The following ZFHX4 variants were observed in gnomAD, a reference collection of about 807,000 sequenced individuals.
The protein encoded by ZFHX4 is zinc finger homeobox 4, also known as zinc finger homeobox protein 4.
ZFHX4 carries 56 observed loss-of-function variants against 267.6 expected under a neutral mutation model. The ratio of observed to expected loss-of-function variants is 0.21; its 90% CI spans 0.17 to 0.26. The LOEUF (loss-of-function observed/expected upper bound fraction) is 0.26. ZFHX4 is among the 10% of genes least tolerant of loss of function. The pLI is 1.00. For synonymous variants in ZFHX4, 1,778 were observed against 1,665.6 expected, an observed-to-expected ratio of 1.07 and a Z score of -1.64; for missense variants, 4,332 against 4,420.0, an observed-to-expected ratio of 0.98 and a Z score of 0.56.
chr8:76,833,521 A>G (rs1157786894), intron 5 of ZFHX4, 115 bp downstream of exon 5: 6 of 728,918 alleles, frequency 8.2e-6, no homozygotes, highest in African/African-American at 1.8e-5. Context: ...AGATCTGATC[A>G]TATGCCTTAT....
intron 4 of ZFHX4, among the ~76,000 whole-genome samples, chr8:76,822,472 T>C (rs965997611): frequency 5.3e-5 from 8 of 149,956 alleles, no homozygotes; most frequent in African/African-American, 1.7e-4. Flanking sequence ...TTTTTTTTTT[T>C]TTGAGATGGT....
chr8:76,725,657 A>C (rs544966936), intron 3 of ZFHX4, among the ~76,000 whole-genome samples: 13 of 152,182 alleles, frequency 8.5e-5, no homozygotes, highest in Non-Finnish European at 1.9e-4. Flanking sequence ...AGTGAAGGGC[A>C]TAAGTTTCTT....
At chr8:76,775,716 T>C (rs1407391349) in intron 3 of ZFHX4, among the ~76,000 whole-genome samples, 1 of 152,128 alleles carries the variant, frequency 6.6e-6, no homozygotes, top group Non-Finnish European at 1.5e-5. Flanking sequence ...TTTTGTGTTT[T>C]ACGGAAGATC....
Position 76,704,268 on chromosome 8 carries a change from C to G in ZFHX4, c.180C>G (p.Ala60=). Residue 60 remains alanine (A), a synonymous_variant, in exon 2 of 11, where the codon GCC becomes GCG. Transcript: ENST00000651372. ...AAACGGATGAGCGCAAAAGTGAAGCCTTGCTGGGTTTCAGCGTTGAGAATG... is the reference window on the plus strand; with the variant it reads ...AAACGGATGAGCGCAAAAGTGAAGCGTTGCTGGGTTTCAGCGTTGAGAATG... ...NLKTDERKSE[A]LLGFSVENAA... 1 of 1,613,992 alleles carries G rather than the reference C, an allele frequency of 6.2e-7. No homozygotes were observed. Among genetic ancestry groups the G allele is most frequent in the Non-Finnish European group, 8.5e-7 (1 of 1,179,888 alleles).
At chr8:76,771,586 C>G (rs1349616825) in intron 3 of ZFHX4, among the ~76,000 whole-genome samples, 2 of 151,954 alleles carry the variant, frequency 1.3e-5, no homozygotes, top group East Asian at 3.9e-4. Flanking sequence ...CTACAGGCGC[C>G]TGCCACCATG....
chr8:76,858,758 T>G (rs1812795127), intron 10 of ZFHX4, among the ~76,000 whole-genome samples: 1 of 152,218 alleles, frequency 6.6e-6, no homozygotes, highest in South Asian at 2.1e-4. Flanking sequence ...ACATACCAGT[T>G]AAGGCAAAAT....
chr8:76,841,434 T>G (rs923794383), intron 5 of ZFHX4, among the ~76,000 whole-genome samples: 1 of 152,206 alleles, frequency 6.6e-6, no homozygotes, highest in African/African-American at 2.4e-5. Flanking sequence ...GCATTTGCAA[T>G]GAAAATTTTA....
intron 4 of ZFHX4, among the ~76,000 whole-genome samples, chr8:76,809,246 C>T (rs1194352196): frequency 6.6e-6 from 1 of 151,994 alleles, no homozygotes; most frequent in Non-Finnish European, 1.5e-5. Flanking sequence ...ACTTTTATGT[C>T]CTAATATATT....
At chr8:76,681,990 G>C (rs1350101467) in intron 1 of ZFHX4, among the ~76,000 whole-genome samples, 2 of 152,232 alleles carry the variant, frequency 1.3e-5, no homozygotes, top group Non-Finnish European at 2.9e-5. Flanking sequence ...ACGTTTGCTT[G>C]GGCAGTTTTC....
chr8:76,792,682 A>G (rs970755779), intron 4 of ZFHX4, among the ~76,000 whole-genome samples: 1 of 152,144 alleles, frequency 6.6e-6, no homozygotes, highest in Non-Finnish European at 1.5e-5. Flanking sequence ...CTTCTTCACA[A>G]CATTTTAGGA....
At chr8:76,832,785 C>G (rs1811970229) in intron 4 of ZFHX4, among the ~76,000 whole-genome samples, 1 of 151,972 alleles carries the variant, frequency 6.6e-6, no homozygotes, top group Non-Finnish European at 1.5e-5. Flanking sequence ...TTTTGTAAAC[C>G]AAGACATTGT....
chr8:76,824,780 C>G (rs776261342), intron 4 of ZFHX4, among the ~76,000 whole-genome samples: 4 of 152,038 alleles, frequency 2.6e-5, no homozygotes, highest in Non-Finnish European at 5.9e-5. Flanking sequence ...CCCTTTGTTG[C>G]CAGGCTGCTC....
intron 3 of ZFHX4, among the ~76,000 whole-genome samples, chr8:76,768,576 G>A (rs2728439): frequency 0.83 from 126,484 of 152,172 alleles, 53,099 homozygotes; most frequent in African/African-American, 0.95. Context: ...ATCTGAGGGG[G>A]CACCCATGTG....
In ZFHX4 at chr8:76,706,473, G is replaced by C; in HGVS notation, c.2385G>C (p.Met795Ile). 6.2e-7 allele frequency: 1 copy of C among 1,614,054 alleles called. No individual in the cohort carries two copies. Among genetic ancestry groups the C allele is most frequent in the Non-Finnish European group, 8.5e-7 (1 of 1,179,944 alleles). Residue 795 changes from methionine (M) to isoleucine (I), a missense_variant, in exon 2 of 11, where the codon ATG becomes ATC. Met to Ile is a conservative substitution (Grantham distance 10). Coordinates refer to ENST00000651372, the MANE Select transcript of ZFHX4 (RefSeq NM_024721.5). ...CCAGCGAAAAGCACATGCATAATAT[G>C]ATGCTTTTGCAGCAGAACATGAAGC... Reference protein sequence around the residue: ...HMTSEKHMHNMMLLQQNMKQI... With the variant: ...HMTSEKHMHNIMLLQQNMKQI...
At chr8:76,835,119 C>T (rs2131895196) in intron 5 of ZFHX4, among the ~76,000 whole-genome samples, 1 of 148,766 alleles carries the variant, frequency 6.7e-6, no homozygotes, top group African/African-American at 2.5e-5. Flanking sequence ...AGTCAAAGAG[C>T]CTAGTTGATG....
At position 76,854,471 on chromosome 8, in the gene ZFHX4, T is replaced by G; in HGVS notation, c.7550T>G (p.Leu2517Arg). 1 of 1,613,920 alleles carries G rather than the reference T, an allele frequency of 6.2e-7. No individual in the cohort carries two copies. The highest frequency in any genetic ancestry group is 1.3e-5 in the African/African-American group (1 of 75,038). Reference sequence around the variant, plus strand: ...CAGGAACACCAGCACATGCACTTCCTTGCTGCTCAAAACCAATTCCTTCAC... The same window carrying G: ...CAGGAACACCAGCACATGCACTTCCGTGCTGCTCAAAACCAATTCCTTCAC... ...LWQEHQHMHF[L>R]AAQNQFLHSP... The change falls in exon 10 of 11, where the codon CTT becomes CGT. Residue 2517 changes from leucine (L) to arginine (R), a missense_variant. Leu to Arg is a moderately radical substitution (Grantham distance 102). Transcript: ENST00000651372.
intron 3 of ZFHX4, among the ~76,000 whole-genome samples, chr8:76,757,286 G>A (rs1210010463): frequency 6.6e-6 from 1 of 152,186 alleles, no homozygotes; most frequent in African/African-American, 2.4e-5. Flanking sequence ...ATATGGGATG[G>A]AAATGGCAGT....
chr8:76,790,265 T>TTTA (rs1390316667), intron 4 of ZFHX4, among the ~76,000 whole-genome samples: 1 of 152,128 alleles, frequency 6.6e-6, no homozygotes, highest in Non-Finnish European at 1.5e-5. Context: ...TTCCTTAAAC[T>TTTA]TTATCACAGC....
chr8:76,819,463 C>G (rs1401657770), intron 4 of ZFHX4, among the ~76,000 whole-genome samples: 3 of 152,058 alleles, frequency 2.0e-5, no homozygotes, highest in African/African-American at 7.2e-5. Context: ...ATATGTACTC[C>G]TTGAATATGT....
Sources: allele counts gnomAD v4.1 joint callset (sites outside exome capture counted in the v4.1 genomes callset), GRCh38; gene constraint gnomAD v4.1.1; transcripts MANE v1.5; gene names NCBI Gene and HGNC (gene_info 2026-07-23, HGNC 2026-07-21).